ATP6V0E1: variants seen among roughly 807,000 people sequenced by gnomAD.
ATP6V0E1 encodes the protein V-type proton ATPase subunit e 1.
Under a neutral mutation model 11.6 loss-of-function variants are expected in ATP6V0E1, and 4 were observed. The observed-to-expected ratio is 0.35, with a 90% confidence interval of 0.17 to 0.79. ATP6V0E1 has a LOEUF of 0.79. Ranked by LOEUF, ATP6V0E1 falls within the 30% of genes least tolerant of loss-of-function variation. The probability of loss-of-function intolerance (pLI) is 0.54; values close to 1 mark genes in which losing one functional copy is unlikely to be tolerated. For missense variants in ATP6V0E1, 105 were observed against 100.0 expected, an observed-to-expected ratio of 1.05 and a Z score of -0.21; for synonymous variants, 36 against 34.8, an observed-to-expected ratio of 1.04 and a Z score of -0.13.
intron 3 of ATP6V0E1, among the ~76,000 whole-genome samples, chr5:173,030,180 C>T (rs1445355841): frequency 6.6e-6 from 1 of 152,122 alleles, no homozygotes; most frequent in Non-Finnish European, 1.5e-5. Flanking sequence ...ATATTTAGCT[C>T]TCCAGTTTTT....
chr5:172,985,207 T>C (rs1755877088), intron 1 of ATP6V0E1, among the ~76,000 whole-genome samples: 1 of 143,290 alleles, frequency 7.0e-6, no homozygotes, highest in East Asian at 2.0e-4. Flanking sequence ...ATCGCGCCAC[T>C]GCACTCCAGC....
At chr5:172,992,218 T>C (rs1366816498) in intron 1 of ATP6V0E1, among the ~76,000 whole-genome samples, 1 of 152,000 alleles carries the variant, frequency 6.6e-6, no homozygotes, top group Non-Finnish European at 1.5e-5. Context: ...GCCCGGCTAA[T>C]TTTTTTGTAT....
chr5:172,995,946 T>C (rs1229496896), intron 2 of ATP6V0E1, among the ~76,000 whole-genome samples: 3 of 152,150 alleles, frequency 2.0e-5, no homozygotes, highest in Non-Finnish European at 4.4e-5. Context: ...AACCAGTGAT[T>C]CTCTTTTTTT....
chr5:173,017,796 G>A (rs368134408), intron 2 of ATP6V0E1, among the ~76,000 whole-genome samples: 48 of 148,002 alleles, frequency 3.2e-4, no homozygotes, highest in African/African-American at 1.1e-3. Context: ...AGCTGAGATC[G>A]TGCCACTGCA....
intron 3 of ATP6V0E1, among the ~76,000 whole-genome samples, chr5:173,029,311 A>T (rs1756612190): frequency 6.6e-6 from 1 of 152,106 alleles, no homozygotes; most frequent in Non-Finnish European, 1.5e-5. Flanking sequence ...TTCTGCTGCC[A>T]TTTCAGGTTC....
chr5:173,032,510 C>T (rs749644465), intron 3 of ATP6V0E1, among the ~76,000 whole-genome samples: 5 of 151,830 alleles, frequency 3.3e-5, no homozygotes, highest in South Asian at 2.1e-4. Context: ...AGGCTGATCT[C>T]GAACTCCTGA....
chr5:173,020,170 T>C, intron 2 of ATP6V0E1, 68 bp from the exon 3 acceptor site: 1 of 1,304,964 alleles, frequency 7.7e-7, no homozygotes, highest in Non-Finnish European at 1.1e-6. Context: ...TTTTCCATGC[T>C]AATTGAAAAT....
At chr5:172,999,752 G>A (rs1276470671) in intron 2 of ATP6V0E1, among the ~76,000 whole-genome samples, 1 of 152,176 alleles carries the variant, frequency 6.6e-6, no homozygotes, top group Non-Finnish European at 1.5e-5. Context: ...CAGTGGATCA[G>A]CACTGTTAGT....
rs1462033689 is a variant in ATP6V0E1, at chr5:173,007,627, AATT to A, written c.153-12602_153-12600del. Among the ~76,000 whole-genome samples, 3 of 152,312 alleles carry A rather than the reference AATT, an allele frequency of 2.0e-5. No homozygotes were observed. The East Asian group carries it at 5.8e-4, about 29-fold the overall frequency. On this transcript the variant is annotated intron_variant, in intron 2 of 3. Coordinates refer to ENST00000519374, the MANE Select transcript of ATP6V0E1 (RefSeq NM_003945.4). ...CAAAATAGGTTGAGAGAGATTTCAG[AATT>A]ATTATTATGGCAAAAGAGTTACTAA...
At chr5:173,028,568 A>C (rs1388607668) in intron 3 of ATP6V0E1, among the ~76,000 whole-genome samples, 1 of 152,358 alleles carries the variant, frequency 6.6e-6, no homozygotes, top group East Asian at 1.9e-4. Context: ...TTTTATATAG[A>C]TGAAATGGAA....
At chr5:173,006,050 G>C (rs994544237) in intron 2 of ATP6V0E1, among the ~76,000 whole-genome samples, 3 of 152,164 alleles carry the variant, frequency 2.0e-5, no homozygotes, top group African/African-American at 7.2e-5. Flanking sequence ...CAGTTGAAAA[G>C]AATCTATATT....
At chr5:173,018,097 C>T (rs1356857655) in intron 2 of ATP6V0E1, among the ~76,000 whole-genome samples, 1 of 152,062 alleles carries the variant, frequency 6.6e-6, no homozygotes, top group Non-Finnish European at 1.5e-5. Context: ...AGTTGAAAAT[C>T]CATTTATAAC....
At chr5:172,985,130 A>T (rs978171832) in intron 1 of ATP6V0E1, among the ~76,000 whole-genome samples, 1 of 151,832 alleles carries the variant, frequency 6.6e-6, no homozygotes, top group Admixed American at 6.6e-5. Flanking sequence ...CTGTAATCCC[A>T]GCTACTCGGG....
At position 172,986,902 on chromosome 5, in the gene ATP6V0E1, C is replaced by T. The variant is rs368885574; in HGVS notation, c.104+2938C>T. On this transcript the variant is annotated intron_variant, in intron 1 of 3. Transcript: ENST00000519374. ...TCCTGGGTTCAAGCAATTCTCCTGC[C>T]TCAGCCTCCCGAGTAGCTGGGGTTA... is the stretch of plus-strand genomic sequence containing the variant. The T allele has an allele frequency of 1.6e-3, 524 of 326,878 alleles. 3 individuals carry two copies. The highest frequency in any genetic ancestry group is 0.011 in the African/African-American group (491 of 44,806). 20.2% of individuals were successfully genotyped at this position (326,878 alleles called of 1,614,324 possible). A position where few individuals can be genotyped will look rare whatever the true frequency, so the allele number is the denominator to read the frequency against.
intron 3 of ATP6V0E1, among the ~76,000 whole-genome samples, chr5:173,031,835 A>AAT (rs1355900923): frequency 6.6e-6 from 1 of 151,270 alleles, no homozygotes; most frequent in Non-Finnish European, 1.5e-5. Flanking sequence ...AAAAAAAAAA[A>AAT]AAAGCTTCCT....
chr5:172,989,085 G>T (rs975649227), intron 1 of ATP6V0E1, among the ~76,000 whole-genome samples: 4 of 152,146 alleles, frequency 2.6e-5, no homozygotes, highest in African/African-American at 7.2e-5. Flanking sequence ...GCTCACACCG[G>T]CACTTTGGGA....
chr5:172,991,524 A>G (rs2113580152), intron 1 of ATP6V0E1, among the ~76,000 whole-genome samples: 1 of 152,132 alleles, frequency 6.6e-6, no homozygotes, highest in Admixed American at 6.6e-5. Context: ...AGAATCCTAG[A>G]TATAATGTGT....
At chr5:173,014,321 C>T (rs959552474) in intron 2 of ATP6V0E1, among the ~76,000 whole-genome samples, 1 of 151,902 alleles carries the variant, frequency 6.6e-6, no homozygotes, top group Non-Finnish European at 1.5e-5. Context: ...TTTCAAAAAA[C>T]TAAAAATAGA....
intron 1 of ATP6V0E1, chr5:172,987,157 AG>A (rs1309577216): frequency 2.9e-5 from 6 of 203,880 alleles, no homozygotes; most frequent in Non-Finnish European, 6.1e-5. Context: ...GCCATGGGGA[AG>A]GGGCCCCTGG....
Sources: allele counts gnomAD v4.1 joint callset (sites outside exome capture counted in the v4.1 genomes callset), GRCh38; gene constraint gnomAD v4.1.1; transcripts MANE v1.5; gene names NCBI Gene and HGNC (gene_info 2026-07-23, HGNC 2026-07-21).